MAP3K5: variants seen among roughly 807,000 people sequenced by gnomAD.
The protein encoded by MAP3K5 is mitogen-activated protein kinase kinase kinase 5, also known as ASK-1.
Under a neutral mutation model 158.7 loss-of-function variants are expected in MAP3K5, and 56 were observed. The observed-to-expected ratio is 0.35, with a 90% confidence interval of 0.28 to 0.44. The LOEUF (loss-of-function observed/expected upper bound fraction) is 0.44. MAP3K5 is among the 20% of genes least tolerant of loss of function. The pLI, the probability that MAP3K5 is intolerant of heterozygous loss-of-function variation, is 1.00. For missense variants in MAP3K5, 1,294 were observed against 1,674.8 expected, an observed-to-expected ratio of 0.77 and a Z score of 3.97; for synonymous variants, 579 against 601.7, an observed-to-expected ratio of 0.96 and a Z score of 0.55.
chr6:136,561,005 A>T (rs71560605), intron 28 of MAP3K5, among the ~76,000 whole-genome samples: 1 of 152,000 alleles, frequency 6.6e-6, no homozygotes, highest in Non-Finnish European at 1.5e-5. Flanking sequence ...AAATTAACAT[A>T]CAAAGAATTA....
chr6:136,719,568 C>T (rs1781666475), intron 2 of MAP3K5, among the ~76,000 whole-genome samples: 1 of 152,204 alleles, frequency 6.6e-6, no homozygotes, highest in African/African-American at 2.4e-5. Context: ...GCCACACATG[C>T]TTTAAATACT....
intron 25 of MAP3K5, among the ~76,000 whole-genome samples, chr6:136,569,278 A>G (rs1371319410): frequency 1.3e-5 from 2 of 152,204 alleles, no homozygotes; most frequent in Non-Finnish European, 1.5e-5. Flanking sequence ...TGCATTCTGT[A>G]GAGAATCCCC....
intron 1 of MAP3K5, among the ~76,000 whole-genome samples, chr6:136,789,079 C>G (rs1784960149): frequency 6.6e-6 from 1 of 152,172 alleles, no homozygotes; most frequent in African/African-American, 2.4e-5. Context: ...AGGAGGACTG[C>G]TTGAGGCCAG....
chr6:136,622,363 T>C (rs1336807936), intron 15 of MAP3K5, among the ~76,000 whole-genome samples: 1 of 152,134 alleles, frequency 6.6e-6, no homozygotes, highest in Non-Finnish European at 1.5e-5. Flanking sequence ...CTCAGTAAGT[T>C]ATGAGTCTCT....
At chr6:136,781,930 A>C (rs1293800422) in intron 1 of MAP3K5, among the ~76,000 whole-genome samples, 2 of 152,130 alleles carry the variant, frequency 1.3e-5, no homozygotes, top group African/African-American at 4.8e-5. Flanking sequence ...GAGGTATTTG[A>C]CATGGCCGGG....
intron 24 of MAP3K5, among the ~76,000 whole-genome samples, chr6:136,582,238 G>A (rs1034683829): frequency 6.6e-5 from 10 of 151,408 alleles, no homozygotes; most frequent in African/African-American, 9.7e-5. Flanking sequence ...AAGAGCAGGC[G>A]TGTATGTGTA....
intron 25 of MAP3K5, among the ~76,000 whole-genome samples, chr6:136,576,916 T>C (rs578180467): frequency 5.6e-4 from 85 of 152,010 alleles, no homozygotes; most frequent in African/African-American, 1.9e-3. Flanking sequence ...TAACACACCA[T>C]ACAAATTTGT....
At chr6:136,586,694 G>A (rs1775156411) in intron 23 of MAP3K5, among the ~76,000 whole-genome samples, 3 of 152,162 alleles carry the variant, frequency 2.0e-5, no homozygotes, top group Non-Finnish European at 4.4e-5. Context: ...GATCCTGGGT[G>A]TGTCTGTGAG....
At chr6:136,567,600 AGAAAC>A (rs1562510626) in intron 26 of MAP3K5, 26 bp downstream of exon 26, 1 of 1,572,610 alleles carries the variant, frequency 6.4e-7, no homozygotes, top group East Asian at 2.3e-5. Context: ...GTAAAAGAAA[AGAAAC>A]CAACCCACGT....
intron 1 of MAP3K5, among the ~76,000 whole-genome samples, chr6:136,774,074 CAT>C (rs1784315567): frequency 6.6e-6 from 1 of 152,136 alleles, no homozygotes; most frequent in South Asian, 2.1e-4. Context: ...ATGCCTGGCA[CAT>C]GTTAAGTGCT....
intron 15 of MAP3K5, among the ~76,000 whole-genome samples, chr6:136,618,444 T>C (rs1776661364): frequency 6.6e-6 from 1 of 152,242 alleles, no homozygotes; most frequent in Non-Finnish European, 1.5e-5. Context: ...TGAAACATCT[T>C]GTTGGTGTTG....
At chr6:136,762,642 A>G (rs1366096075) in intron 1 of MAP3K5, among the ~76,000 whole-genome samples, 1 of 152,256 alleles carries the variant, frequency 6.6e-6, no homozygotes, top group Non-Finnish European at 1.5e-5. Context: ...GAGGGAAATT[A>G]TACCAGGGAA....
At chr6:136,684,026 A>G (rs1033292637) in intron 7 of MAP3K5, among the ~76,000 whole-genome samples, 1 of 151,968 alleles carries the variant, frequency 6.6e-6, no homozygotes, top group Non-Finnish European at 1.5e-5. Context: ...TGCTCCAGGT[A>G]TTTGAGACTA....
intron 25 of MAP3K5, among the ~76,000 whole-genome samples, chr6:136,577,673 T>C (rs1265454132): frequency 1.3e-5 from 2 of 152,214 alleles, no homozygotes; most frequent in Non-Finnish European, 2.9e-5. Flanking sequence ...CTACAGTTAC[T>C]TTTGCTTTTT....
intron 23 of MAP3K5, among the ~76,000 whole-genome samples, chr6:136,584,938 T>C (rs963089788): frequency 6.6e-6 from 1 of 152,170 alleles, no homozygotes; most frequent in Non-Finnish European, 1.5e-5. Context: ...GGTGTGTCAG[T>C]TCCTTGCAAC....
At chr6:136,672,512 GA>G (rs1779526509) in intron 7 of MAP3K5, among the ~76,000 whole-genome samples, 3 of 152,186 alleles carry the variant, frequency 2.0e-5, no homozygotes, top group African/African-American at 7.2e-5. Context: ...ACGACAGAAT[GA>G]AACCCGAAGG....
In MAP3K5 at chr6:136,622,780, A is replaced by G. The variant is rs558229004; in HGVS notation, c.2150+68T>C. On this transcript the variant is annotated intron_variant, in intron 15 of 29. Transcript: ENST00000359015. ...TTCATTCATTAGAATATCATCAAGT[A>G]TTTTCTAAAATACTGTCAACAACCC... is the stretch of plus-strand genomic sequence containing the variant. The G allele has an allele frequency of 1.6e-5, 24 of 1,514,796 alleles. No homozygotes were observed. In the East Asian group the frequency reaches 5.2e-4, roughly 33 times the overall value. 93.8% of individuals were successfully genotyped at this position (1,514,796 alleles called of 1,614,324 possible). A position where few individuals can be genotyped will look rare whatever the true frequency, so the allele number is the denominator to read the frequency against.
chr6:136,636,954 C>T, intron 14 of MAP3K5: 1 of 1,028,556 alleles, frequency 9.7e-7, no homozygotes, highest in Non-Finnish European at 1.2e-6. Context: ...CATATTAATG[C>T]CTGCCACAAG....
intron 23 of MAP3K5, among the ~76,000 whole-genome samples, 192 bp downstream of exon 23, chr6:136,591,981 C>A (rs1485410435): frequency 6.6e-6 from 1 of 152,204 alleles, no homozygotes; most frequent in African/African-American, 2.4e-5. Flanking sequence ...ATGAAAAAAT[C>A]ATTTCCCTAT....
Sources: gnomAD v4.1 joint callset for allele counts (sites outside exome capture counted in the v4.1 genomes callset) on GRCh38, gnomAD v4.1.1 for gene constraint, MANE v1.5 for transcripts, NCBI Gene and HGNC (gene_info 2026-07-23, HGNC 2026-07-21) for gene names.